EDRF1: variants seen among roughly 807,000 people sequenced by gnomAD.
EDRF1 encodes the protein erythroid differentiation regulatory factor 1.
EDRF1 carries 69 observed loss-of-function variants against 148.7 expected under a neutral mutation model. The ratio of observed to expected loss-of-function variants is 0.46; its 90% CI spans 0.38 to 0.57. EDRF1 has a LOEUF of 0.57. Among genes scored for constraint, EDRF1 ranks in the 20% least tolerant of loss-of-function variants. The pLI, the probability that EDRF1 is intolerant of heterozygous loss-of-function variation, is 0.00. For missense variants in EDRF1, 1,118 were observed against 1,478.7 expected (o/e 0.76, Z 4.00); for synonymous variants, 515 against 532.8 (o/e 0.97, Z 0.46).
In EDRF1 at chr10:125,749,538, G is replaced by T; in HGVS notation, c.3250G>T (p.Val1084Leu). The change falls in exon 22 of 25, where the codon GTA becomes TTA. Residue 1084 changes from valine (V) to leucine (L), a missense_variant. Physicochemically the swap from Val to Leu is conservative, Grantham distance 32. Coordinates refer to ENST00000356792, the MANE Select transcript of EDRF1 (RefSeq NM_001202438.2). Reference sequence around the variant, plus strand: ...ACTGCTTAGAGTACAGCTAGAGAGAGTAGCATTTGCTGAATTTCAGATGAC... The same window carrying T: ...ACTGCTTAGAGTACAGCTAGAGAGATTAGCATTTGCTGAATTTCAGATGAC... ...CELLRVQLER[V>L]AFAEFQMTSQ... 1 of 1,614,144 alleles carries T rather than the reference G, an allele frequency of 6.2e-7. No individual in the cohort carries two copies. The highest frequency in any genetic ancestry group is 1.1e-5 in the South Asian group (1 of 91,084).
At chr10:125,754,998 A>G (rs573748003) in intron 24 of EDRF1, among the ~76,000 whole-genome samples, 1 of 152,332 alleles carries the variant, frequency 6.6e-6, no homozygotes, top group Admixed American at 6.5e-5. Flanking sequence ...CACAGTTATG[A>G]CAGAAAACAG....
chr10:125,752,964 T>C, intron 23 of EDRF1, 50 bp downstream of exon 23: 1 of 1,306,698 alleles, frequency 7.7e-7, no homozygotes, highest in Non-Finnish European at 1.1e-6. Flanking sequence ...TTAAGCTACA[T>C]GGTGAATGTA....
intron 8 of EDRF1, among the ~76,000 whole-genome samples, 166 bp downstream of exon 8, chr10:125,729,645 T>G (rs990561413): frequency 6.6e-6 from 1 of 152,218 alleles, no homozygotes; most frequent in Non-Finnish European, 1.5e-5. Context: ...GTTCCATCTA[T>G]TTGGGCATCT....
At position 125,763,618 on chromosome 10, in the gene EDRF1, C is replaced by A; in HGVS notation, c.*146C>A. On this transcript the variant is annotated 3_prime_UTR_variant, in exon 25 of 25. Transcript: ENST00000356792. The surrounding 1 kb of genome is among the most constrained non-coding windows in gnomAD (Gnocchi z 4.3). ...GGAAACACAGAGTTATTTTAAGTGA[C>A]AGACAAATTACGGTTGAGTTCTGTG... is the stretch of plus-strand genomic sequence containing the variant. The A allele has an allele frequency of 1.0e-6, 1 of 962,850 alleles. No homozygotes were observed. Among genetic ancestry groups the A allele is most frequent in the Non-Finnish European group, 1.5e-6 (1 of 646,668 alleles). The allele number at this position is 962,850 out of a possible 1,614,324, so 59.6% of individuals were successfully genotyped here.
intron 21 of EDRF1, chr10:125,749,058 C>T (rs1458006958): frequency 6.1e-6 from 2 of 329,108 alleles, no homozygotes; most frequent in Non-Finnish European, 1.2e-5. Context: ...AGAGAGCAGC[C>T]TAGCCAACAT....
chr10:125,762,909 G>A (rs1284705124), intron 24 of EDRF1, among the ~76,000 whole-genome samples: 1 of 152,064 alleles, frequency 6.6e-6, no homozygotes, highest in Non-Finnish European at 1.5e-5. Context: ...ATGGCCGTCC[G>A]TCTGTCACTC....
In EDRF1 at chr10:125,737,996, T is replaced by G; in HGVS notation, c.1830+7T>G. On this transcript the variant is annotated splice_region_variant and intron_variant, in intron 14 of 24. Coordinates refer to ENST00000356792, the MANE Select transcript of EDRF1 (RefSeq NM_001202438.2). ...GCTTAGCTATGTTCTAGAGGTAAGT[T>G]TAAGTTTAGTCTTCACTTTTTTCGT... 6.2e-7 allele frequency: 1 copy of G among 1,613,412 alleles called. No individual in the cohort carries two copies. The highest frequency in any genetic ancestry group is 1.1e-5 in the South Asian group (1 of 91,064).
At position 125,725,698 on chromosome 10, in the gene EDRF1, G is replaced by T; in HGVS notation, c.652G>T (p.Ala218Ser). The change falls in exon 6 of 25, where the codon GCC (alanine) becomes TCC (serine). Residue 218 changes from alanine (A) to serine (S), a missense_variant. By Grantham distance (99) the Ala-to-Ser change is moderately conservative. Coordinates refer to ENST00000356792, the MANE Select transcript of EDRF1 (RefSeq NM_001202438.2). ...TTTGGCCAGTATCAATGGTGATGGA[G>T]CCGCTCAGCCTGTCTCATCCACCGC... ...FLYYSINGDG[A>S]AQPVSSTAEQ... is the part of the protein sequence containing the mutation. 6.2e-7 allele frequency: 1 copy of T among 1,614,006 alleles called. No homozygotes were observed. Among genetic ancestry groups the T allele is most frequent in the Non-Finnish European group, 8.5e-7 (1 of 1,180,000 alleles).
intron 6 of EDRF1, among the ~76,000 whole-genome samples, chr10:125,727,495 G>A (rs1052221211): frequency 6.6e-6 from 1 of 152,210 alleles, no homozygotes; most frequent in Non-Finnish European, 1.5e-5. Context: ...GTAACCTAGA[G>A]CTCATACTCT....
At chr10:125,761,991 C>T (rs897882077) in intron 24 of EDRF1, among the ~76,000 whole-genome samples, 1 of 152,110 alleles carries the variant, frequency 6.6e-6, no homozygotes. Flanking sequence ...GCCCAGATTA[C>T]AGATAGGGAA....
chr10:125,750,938 TG>T (rs1391352199), intron 22 of EDRF1, among the ~76,000 whole-genome samples: 1 of 152,094 alleles, frequency 6.6e-6, no homozygotes. Context: ...TTTTTGTTGT[TG>T]GGGTTTTGTT....
chr10:125,741,736 C>T (rs1173990157), intron 17 of EDRF1: 1 of 174,316 alleles, frequency 5.7e-6, no homozygotes, highest in African/African-American at 2.4e-5. Flanking sequence ...CTCTGCCACA[C>T]AGGCTGGAGT....
At position 125,763,507 on chromosome 10, in the gene EDRF1, G is replaced by A; in HGVS notation, c.*35G>A. The A allele has an allele frequency of 3.1e-6, 5 of 1,597,090 alleles. No individual in the cohort carries two copies. The highest frequency in any genetic ancestry group is 4.3e-6 in the Non-Finnish European group (5 of 1,176,452). On this transcript the variant is annotated 3_prime_UTR_variant, in exon 25 of 25. Transcript: ENST00000356792. The surrounding 1 kb of genome is among the most constrained non-coding windows in gnomAD (Gnocchi z 4.3). ...GCCGTGTCCCAGACACGCTGTCAGTGCCTTCAACACGGAGCCGGTTTGTTC... is the reference window on the plus strand; with the variant it reads ...GCCGTGTCCCAGACACGCTGTCAGTACCTTCAACACGGAGCCGGTTTGTTC...
At chr10:125,727,129 C>A (rs1848292444) in intron 6 of EDRF1, among the ~76,000 whole-genome samples, 4 of 152,122 alleles carry the variant, frequency 2.6e-5, no homozygotes, top group Admixed American at 2.6e-4. Context: ...GCTGGCGAAA[C>A]TCTCAGGCTA....
At chr10:125,747,235 AAAAAC>A (rs1243792054) in intron 19 of EDRF1, 2 of 304,602 alleles carry the variant, frequency 6.6e-6, no homozygotes, top group African/African-American at 2.2e-5. Flanking sequence ...AAAGAAAAAA[AAAAAC>A]AAAGGAAACA....
intron 4 of EDRF1, among the ~76,000 whole-genome samples, chr10:125,724,965 G>A (rs1564731099): frequency 6.6e-6 from 1 of 152,196 alleles, no homozygotes; most frequent in Non-Finnish European, 1.5e-5. Context: ...ATGTGACAGT[G>A]AACAAATCAC....
intron 22 of EDRF1, chr10:125,752,011 T>A (rs539565341): frequency 1.9e-4 from 29 of 152,374 alleles, no homozygotes; most frequent in African/African-American, 6.7e-4. Flanking sequence ...AGAGTTTTCA[T>A]TGGAACTTGG....
chr10:125,733,385 A>G lies in EDRF1; in HGVS notation c.1129-19A>G. 6.5e-7 allele frequency: 1 copy of G among 1,549,756 alleles called. No homozygotes were observed. The highest frequency in any genetic ancestry group is 1.2e-5 in the South Asian group (1 of 85,038). The stretch of plus-strand genomic sequence containing the variant: ...TGGGTTTTCTCTTAAACTGCTTTCC[A>G]TCTGTCTGTATTTTACAGAAATATG... On this transcript the variant is annotated intron_variant, in intron 9 of 24. Coordinates refer to ENST00000356792, the MANE Select transcript of EDRF1 (RefSeq NM_001202438.2).
intron 22 of EDRF1, 119 bp from the exon 23 acceptor site, chr10:125,752,680 G>GA: frequency 1.5e-6 from 1 of 683,150 alleles, no homozygotes; most frequent in Admixed American, 2.6e-5. Context: ...GAAGATTTAA[G>GA]ATTCTCATTA....
Sources: allele counts gnomAD v4.1 joint callset (sites outside exome capture counted in the v4.1 genomes callset), GRCh38; gene constraint gnomAD v4.1.1; non-coding constraint Gnocchi (gnomAD v3.1); transcripts MANE v1.5; gene names NCBI Gene and HGNC (gene_info 2026-07-23, HGNC 2026-07-21).